Variants in KAZN observed in about 807,000 individuals in gnomAD.
KAZN encodes the protein kazrin.
A neutral mutation model predicts 87.4 loss-of-function variants in KAZN; 40 were observed. The ratio of observed to expected loss-of-function variants is 0.46; its 90% confidence interval spans 0.36 to 0.60. The LOEUF is 0.60. KAZN is among the 20% of genes least tolerant of loss of function. The pLI, the probability that KAZN is intolerant of heterozygous loss-of-function variation, is 0.00. For synonymous variants in KAZN, 466 were observed against 458.3 expected (o/e 1.02, Z -0.22); for missense variants, 898 against 1,073.9 (o/e 0.84, Z 2.29).
chr1:14,379,869 T>A (rs1488305975), intron 2 of KAZN, among the ~76,000 whole-genome samples: 1 of 152,172 alleles, frequency 6.6e-6, no homozygotes, highest in South Asian at 2.1e-4. Context: ...CCCAGGGCCT[T>A]GAGCAAACAC....
intron 1 of KAZN, among the ~76,000 whole-genome samples, chr1:14,857,899 T>C (rs1650317869): frequency 6.6e-6 from 1 of 152,074 alleles, no homozygotes; most frequent in Non-Finnish European, 1.5e-5. Flanking sequence ...CTTAACCAAT[T>C]TTAGAGCATT....
At chr1:14,194,492 C>T (rs1430370612) in intron 2 of KAZN, among the ~76,000 whole-genome samples, 2 of 152,138 alleles carry the variant, frequency 1.3e-5, no homozygotes, top group Non-Finnish European at 2.9e-5. Context: ...CCTTGATATG[C>T]CCCCATTAGT....
intron 8 of KAZN, among the ~76,000 whole-genome samples, chr1:15,076,008 C>T (rs1038195330): frequency 6.6e-6 from 1 of 152,176 alleles, no homozygotes; most frequent in Admixed American, 6.5e-5. Flanking sequence ...AAATTGGATC[C>T]GTGCTATACT....
intron 2 of KAZN, among the ~76,000 whole-genome samples, chr1:14,495,399 T>G (rs1161698955): frequency 6.6e-6 from 1 of 152,148 alleles, no homozygotes; most frequent in Non-Finnish European, 1.5e-5. Flanking sequence ...GGTTCTATTT[T>G]CCATTAATCC....
chr1:14,887,338 C>T (rs1374041792), intron 1 of KAZN, among the ~76,000 whole-genome samples: 1 of 152,176 alleles, frequency 6.6e-6, no homozygotes, highest in Non-Finnish European at 1.5e-5. Context: ...GAACTTGAGG[C>T]TCCTTTCGGC....
chr1:14,208,830 A>G (rs1487248802), intron 2 of KAZN, among the ~76,000 whole-genome samples: 1 of 152,182 alleles, frequency 6.6e-6, no homozygotes, highest in African/African-American at 2.4e-5. Flanking sequence ...GTCACGGCCT[A>G]TGGTCTTACC....
chr1:14,094,075 G>C (rs1644069553), intron 1 of KAZN, among the ~76,000 whole-genome samples: 1 of 152,140 alleles, frequency 6.6e-6, no homozygotes, highest in Admixed American at 6.5e-5. Context: ...GGTGGCTTTG[G>C]GGAAAGGGGG....
intron 1 of KAZN, among the ~76,000 whole-genome samples, chr1:14,904,724 G>A (rs889870252): frequency 6.6e-6 from 1 of 152,208 alleles, no homozygotes; most frequent in Non-Finnish European, 1.5e-5. Flanking sequence ...GCTCTTCTCT[G>A]TGGGGCAGGA....
chr1:14,286,698 A>G (rs1454127447), intron 2 of KAZN, among the ~76,000 whole-genome samples: 1 of 152,162 alleles, frequency 6.6e-6, no homozygotes, highest in African/African-American at 2.4e-5. Flanking sequence ...CTTTGTAGAC[A>G]TACCCAGGTC....
chr1:14,550,078 C>T (rs986538289), intron 2 of KAZN, among the ~76,000 whole-genome samples: 80 of 152,224 alleles, frequency 5.3e-4, no homozygotes, highest in African/African-American at 1.9e-3. Flanking sequence ...CAGGTACGCA[C>T]ACCTGTTGTG....
intron 2 of KAZN, among the ~76,000 whole-genome samples, chr1:14,589,714 A>G (rs1470042047): frequency 6.6e-6 from 1 of 152,162 alleles, no homozygotes; most frequent in East Asian, 1.9e-4. Context: ...TCATCAAGGG[A>G]TGTTAGAGTC....
chr1:14,963,703 C>T (rs1664144186), intron 2 of KAZN, among the ~76,000 whole-genome samples: 1 of 152,090 alleles, frequency 6.6e-6, no homozygotes, highest in African/African-American at 2.4e-5. Flanking sequence ...TATATGTGTG[C>T]CATGGTGGTT....
intron 2 of KAZN, among the ~76,000 whole-genome samples, chr1:14,403,209 G>C (rs139485036): frequency 6.6e-6 from 1 of 152,270 alleles, no homozygotes; most frequent in Admixed American, 6.5e-5. Context: ...TTTACAAATG[G>C]TGCTGGGAGA....
chr1:14,017,841 G>C (rs1294262889), intron 1 of KAZN, among the ~76,000 whole-genome samples: 2 of 152,134 alleles, frequency 1.3e-5, no homozygotes, highest in Non-Finnish European at 2.9e-5. Flanking sequence ...TCATGCCTGG[G>C]TACTTGGCCC....
At chr1:14,330,037 A>G (rs531740610) in intron 2 of KAZN, among the ~76,000 whole-genome samples, 1 of 152,306 alleles carries the variant, frequency 6.6e-6, no homozygotes, top group Admixed American at 6.5e-5. Context: ...GAAGCTGCTC[A>G]GGGCACACTC....
chr1:14,194,074 G>A (rs1323804746), intron 2 of KAZN, among the ~76,000 whole-genome samples: 1 of 152,102 alleles, frequency 6.6e-6, no homozygotes, highest in Non-Finnish European at 1.5e-5. Context: ...AAATCAAAGG[G>A]AAACATGTCT....
chr1:14,196,513 A>G (rs1328045931), intron 2 of KAZN, among the ~76,000 whole-genome samples: 2 of 152,194 alleles, frequency 1.3e-5, no homozygotes, highest in Admixed American at 6.5e-5. Context: ...GTGAGAGAGA[A>G]AGAGAGGAGT....
At chr1:15,047,993 T>C (rs10927659) in intron 4 of KAZN, among the ~76,000 whole-genome samples, 49,714 of 151,948 alleles carry the variant, frequency 0.33, 9,741 homozygotes, top group East Asian at 0.7. Context: ...GGGCGGTTTC[T>C]TAAGTGACCC....
chr1:14,730,765 G>A (rs576158985), intron 1 of KAZN, among the ~76,000 whole-genome samples: 1 of 152,284 alleles, frequency 6.6e-6, no homozygotes, highest in African/African-American at 2.4e-5. Context: ...CAGAGAGAAT[G>A]ATGCTTTCTC....
Sources: gnomAD v4.1 joint callset for allele counts (sites outside exome capture counted in the v4.1 genomes callset) on GRCh38, gnomAD v4.1.1 for gene constraint, MANE v1.5 for transcripts, NCBI Gene and HGNC (gene_info 2026-07-23, HGNC 2026-07-21) for gene names.